KIRREL1: variants seen among roughly 807,000 people sequenced by gnomAD.
KIRREL1 encodes the protein kin of IRRE-like protein 1.
Under a neutral mutation model 83.3 loss-of-function variants are expected in KIRREL1, and 25 were observed. The observed-to-expected ratio is 0.30, with a 90% confidence interval of 0.22 to 0.42. KIRREL1 has a LOEUF of 0.42. KIRREL1 is among the 10% of genes least tolerant of loss of function. KIRREL1 has a pLI of 1.00. For synonymous variants in KIRREL1, 388 were observed against 410.4 expected (o/e 0.95, Z 0.66); for missense variants, 812 against 1,032.3 (o/e 0.79, Z 2.92).
intron 1 of KIRREL1, among the ~76,000 whole-genome samples, chr1:158,037,243 C>G (rs901927680): frequency 2.1e-4 from 32 of 152,244 alleles, no homozygotes; most frequent in African/African-American, 7.0e-4. Context: ...GCCCATAATC[C>G]CAGCACTTTG....
At chr1:158,018,685 C>T (rs972771238) in intron 1 of KIRREL1, among the ~76,000 whole-genome samples, 1 of 152,022 alleles carries the variant, frequency 6.6e-6, no homozygotes, top group Non-Finnish European at 1.5e-5. Context: ...AAGCTGGACA[C>T]CCAGACAAGG....
chr1:158,084,454 C>T lies in KIRREL1; in HGVS notation c.385C>T (p.Pro129Ser), dbSNP rs1347681555. Reference sequence around the variant, plus strand: ...AGAGGACACCAGGATTGACGGAGGCCCTGTGATTCTACTGCAGGCAGGCAC... The same window carrying T: ...AGAGGACACCAGGATTGACGGAGGCTCTGTGATTCTACTGCAGGCAGGCAC... ...PPEDTRIDGGPVILLQAGTPH... is the reference protein window; with the variant it reads ...PPEDTRIDGGSVILLQAGTPH... Residue 129 changes from proline (P) to serine (S), a missense_variant, in exon 4 of 15, where the codon CCT becomes TCT. This residue lies in a region of KIRREL1 where 472 missense variants were observed against 626.8 expected (regional missense o/e 0.75). Coordinates refer to ENST00000359209, the MANE Select transcript of KIRREL1 (RefSeq NM_018240.7). 1.9e-6 allele frequency: 3 copies of T among 1,551,818 alleles called. No individual in the cohort carries two copies. The highest frequency in any genetic ancestry group is 2.6e-6 in the Non-Finnish European group (3 of 1,147,034).
chr1:158,061,432 G>A (rs923315863), intron 1 of KIRREL1, among the ~76,000 whole-genome samples: 6 of 152,190 alleles, frequency 3.9e-5, no homozygotes, highest in African/African-American at 1.4e-4. Flanking sequence ...GATCAAAAAG[G>A]GAAAGGAAGA....
intron 1 of KIRREL1, among the ~76,000 whole-genome samples, chr1:157,999,099 AAGCCT>A (rs1334333342): frequency 3.3e-5 from 5 of 152,130 alleles, no homozygotes; most frequent in Non-Finnish European, 5.9e-5. Context: ...GACAGGAGGG[AAGCCT>A]AGGCCTTTTT....
chr1:158,038,470 C>T (rs1276619526), intron 1 of KIRREL1, among the ~76,000 whole-genome samples: 4 of 146,210 alleles, frequency 2.7e-5, no homozygotes, highest in African/African-American at 5.1e-5. Context: ...AGTCCTTTTA[C>T]AGGTGGCTCT....
intron 1 of KIRREL1, among the ~76,000 whole-genome samples, chr1:158,020,600 CAAAAAAAAAA>C (rs370156588): frequency 9.6e-5 from 8 of 83,678 alleles, no homozygotes; most frequent in Non-Finnish European, 1.3e-4. Context: ...TACAGTAAAT[CAAAAAAAAAA>C]AAAAAAAAAA....
chr1:158,071,232 C>G (rs535662318), intron 1 of KIRREL1, among the ~76,000 whole-genome samples: 13 of 152,192 alleles, frequency 8.5e-5, no homozygotes, highest in Non-Finnish European at 1.5e-4. Flanking sequence ...CTCGCCTCTT[C>G]CCTTCTCACT....
chr1:158,032,319 C>T (rs1038666467), intron 1 of KIRREL1, among the ~76,000 whole-genome samples: 1 of 152,014 alleles, frequency 6.6e-6, no homozygotes, highest in Non-Finnish European at 1.5e-5. Flanking sequence ...GCAGGAAGTT[C>T]AGGCTTGGGA....
At chr1:158,041,441 T>C (rs1342205355) in intron 1 of KIRREL1, among the ~76,000 whole-genome samples, 2 of 152,110 alleles carry the variant, frequency 1.3e-5, no homozygotes, top group Non-Finnish European at 2.9e-5. Flanking sequence ...TGACAATAGA[T>C]TTGAGATAAG....
intron 3 of KIRREL1, 32 bp from the exon 4 acceptor site, chr1:158,084,390 C>G (rs1245372476): frequency 6.5e-7 from 1 of 1,536,362 alleles, no homozygotes; most frequent in Non-Finnish European, 8.8e-7. Context: ...TAGCCACACC[C>G]TGCACTGACT....
Position 158,097,101 on chromosome 1 carries a change from C to A in KIRREL1, c.*1981C>A, listed in dbSNP as rs1425972026. The A allele has an allele frequency of 4.4e-6, 2 of 456,350 alleles. No homozygotes were observed. Among genetic ancestry groups the A allele is most frequent in the Non-Finnish European group, 8.8e-6 (2 of 226,866 alleles). 28.3% of individuals were successfully genotyped at this position (456,350 alleles called of 1,614,324 possible). A position where few individuals can be genotyped will look rare whatever the true frequency, so the allele number is the denominator to read the frequency against. ...CAGGGAAAACTCCTGTGGAGTGGGC[C>A]CTATCTGGGGCATTTACAGGCTTCC... On this transcript the variant is annotated 3_prime_UTR_variant, in exon 15 of 15. Coordinates refer to ENST00000359209, the MANE Select transcript of KIRREL1 (RefSeq NM_018240.7).
intron 1 of KIRREL1, among the ~76,000 whole-genome samples, chr1:157,995,192 G>T (rs763864876): frequency 2.0e-5 from 3 of 152,172 alleles, no homozygotes; most frequent in Non-Finnish European, 4.4e-5. Context: ...TCCTTGTCGG[G>T]TCTCTTCCCA....
chr1:158,089,952 GTCC>G lies in KIRREL1; in HGVS notation c.1272+135_1272+137del, dbSNP rs1662144817. The G allele has an allele frequency of 6.1e-5, 44 of 722,012 alleles. No homozygotes were observed. The South Asian group carries it at 7.6e-4, about 12-fold the overall frequency. The allele number at this position is 722,012 out of a possible 1,614,324, so 44.7% of individuals were successfully genotyped here. A position where few individuals can be genotyped will look rare whatever the true frequency, so the allele number is the denominator to read the frequency against. On this transcript the variant is annotated intron_variant, in intron 10 of 14. Transcript: ENST00000359209. ...TCCATCCTCGAATCTTCTGCTTTCT[GTCC>G]CTCTGTCCCTTTACCTGCTCAAATC... is the stretch of plus-strand genomic sequence containing the variant.
intron 1 of KIRREL1, among the ~76,000 whole-genome samples, chr1:158,072,430 T>C (rs113291106): frequency 0.016 from 2,396 of 152,292 alleles, 23 homozygotes; most frequent in Non-Finnish European, 0.025. Flanking sequence ...CAGTCCAGAC[T>C]CCTGGAGTTG....
At chr1:158,044,174 G>A (rs1660713827) in intron 1 of KIRREL1, among the ~76,000 whole-genome samples, 1 of 152,214 alleles carries the variant, frequency 6.6e-6, no homozygotes, top group South Asian at 2.1e-4. Context: ...ATCTCTGCAA[G>A]GCATGGTGGG....
Position 158,066,804 on chromosome 1 carries a change from T to C in KIRREL1, c.53-9309T>C, listed in dbSNP as rs572899721. On this transcript the variant is annotated intron_variant, in intron 1 of 14. Coordinates refer to ENST00000359209, the MANE Select transcript of KIRREL1 (RefSeq NM_018240.7). ...CCGCTCTGTCTTTTGCTCTCCTTCCTCTTAGCCTCCTATCTGAACTAAGTC... is the reference window on the plus strand; with the variant it reads ...CCGCTCTGTCTTTTGCTCTCCTTCCCCTTAGCCTCCTATCTGAACTAAGTC... Among the ~76,000 whole-genome samples the C allele has an allele frequency of 2.0e-3, 309 of 152,300 alleles. 3 individuals are homozygous for C. The highest frequency in any genetic ancestry group is 6.6e-3 in the African/African-American group (276 of 41,554).
intron 3 of KIRREL1, among the ~76,000 whole-genome samples, chr1:158,081,983 A>G (rs1449847586): frequency 6.6e-6 from 1 of 152,142 alleles, no homozygotes; most frequent in East Asian, 1.9e-4. Flanking sequence ...ATGTGACTTT[A>G]GAGGGGCCTG....
chr1:158,087,610 C>T (rs774733204), intron 5 of KIRREL1, 145 bp from the exon 6 acceptor site: 17 of 593,962 alleles, frequency 2.9e-5, no homozygotes, highest in Non-Finnish European at 4.8e-5. Flanking sequence ...GTGAGGAAGA[C>T]AGTGTGTTAA....
rs11340189 is a variant in KIRREL1, at chr1:158,038,485, CTTTT to C, written c.53-37607_53-37604del. Among the ~76,000 whole-genome samples the C allele has an allele frequency of 3.1e-3, 210 of 68,106 alleles. 1 individual carries two copies. The highest frequency in any genetic ancestry group is 4.7e-3 in the Non-Finnish European group (153 of 32,482). The allele number at this position is 68,106 out of a possible 152,430, so 44.7% of individuals were successfully genotyped here. A position where few individuals can be genotyped will look rare whatever the true frequency, so the allele number is the denominator to read the frequency against. On this transcript the variant is annotated intron_variant, in intron 1 of 14. Transcript: ENST00000359209. Reference sequence around the variant, plus strand: ...AGTCCTTTTACAGGTGGCTCTTCCTCTTTTTTTTTTTTTTTTTTTTTTTTGGAGG... The same window carrying C: ...AGTCCTTTTACAGGTGGCTCTTCCTCTTTTTTTTTTTTTTTTTTTTGGAGG...
Sources: gnomAD v4.1 joint callset for allele counts (sites outside exome capture counted in the v4.1 genomes callset) on GRCh38, gnomAD v4.1.1 for gene constraint, gnomAD v4.1.1 regional missense constraint, MANE v1.5 for transcripts, NCBI Gene and HGNC (gene_info 2026-07-23, HGNC 2026-07-21) for gene names.